Variants in EYS observed in about 807,000 individuals in gnomAD.
The protein encoded by EYS is EGF-like photoreceptor maintenance factor, also known as protein eyes shut homolog.
In EYS, 250 loss-of-function variants were observed where a neutral mutation model predicts 282.1. That is an observed-to-expected ratio of 0.89 (90% CI 0.80 to 0.98). The LOEUF (loss-of-function observed/expected upper bound fraction) is 0.98, where lower values mean the gene tolerates loss of function less well. Among genes scored for constraint, EYS ranks in the 50% least tolerant of loss-of-function variants. EYS has a pLI of 0.00. For missense variants in EYS, 4,016 were observed against 3,709.0 expected (o/e 1.08, Z -2.15); for synonymous variants, 1,355 against 1,282.9 (o/e 1.06, Z -1.20).
At chr6:64,021,226 C>A (rs908708554) in intron 33 of EYS, among the ~76,000 whole-genome samples, 32 of 151,312 alleles carry the variant, frequency 2.1e-4, no homozygotes, top group Admixed American at 1.9e-3. Flanking sequence ...CATTCTTTTT[C>A]TTTCCATCAC....
intron 31 of EYS, among the ~76,000 whole-genome samples, chr6:64,189,840 T>C (rs1380932029): frequency 6.6e-6 from 1 of 152,156 alleles, no homozygotes; most frequent in Non-Finnish European, 1.5e-5. Context: ...AATCGAATAA[T>C]TGCAGCAGAG....
Position 65,510,187 on chromosome 6 carries a change from A to G in EYS, c.-332-14194T>C, listed in dbSNP as rs1376102607. ...CCCTCCCCCCTCCCCCCACCCCACA[A>G]CAGTCCCCAGAGTGTGATGTTCCCC... On this transcript the variant is annotated intron_variant, in intron 2 of 42. Transcript: ENST00000503581. Among the ~76,000 whole-genome samples the G allele has an allele frequency of 1.4e-4, 13 of 91,750 alleles. No individual in the cohort carries two copies. In the Admixed American group the frequency reaches 1.5e-3, roughly 11 times the overall value. The allele number at this position is 91,750 out of a possible 152,430, so 60.2% of individuals were successfully genotyped here.
intron 12 of EYS, among the ~76,000 whole-genome samples, chr6:65,167,943 G>A (rs1248558178): frequency 6.6e-6 from 1 of 150,888 alleles, no homozygotes; most frequent in Non-Finnish European, 1.5e-5. Context: ...GCTTTGTTTC[G>A]ATTTTAGAAT....
At position 65,490,715 on chromosome 6, in the gene EYS, A is replaced by T; in HGVS notation, c.749-8T>A. ...TTTCTGAGCAATTCTTTCCTATAAC[A>T]ATGAAAAAAAGTTTTTTTTACATTG... On this transcript the variant is annotated splice_polypyrimidine_tract_variant and splice_region_variant and intron_variant, in intron 4 of 42. Transcript: ENST00000503581. 6.3e-7 allele frequency: 1 copy of T among 1,594,522 alleles called. No homozygotes were observed. Among genetic ancestry groups the T allele is most frequent in the Non-Finnish European group, 8.6e-7 (1 of 1,163,130 alleles).
chr6:64,318,024 G>A (rs944015909), intron 29 of EYS, among the ~76,000 whole-genome samples: 1 of 151,168 alleles, frequency 6.6e-6, no homozygotes, highest in Non-Finnish European at 1.5e-5. Flanking sequence ...ACCAGGGCTT[G>A]TCAGGGGGTG....
chr6:65,263,290 A>G (rs989670087), intron 12 of EYS, among the ~76,000 whole-genome samples: 2 of 152,014 alleles, frequency 1.3e-5, no homozygotes, highest in East Asian at 1.9e-4. Context: ...GCAGTGAGCT[A>G]TGATCGTGCC....
At chr6:65,378,714 A>T (rs2150347664) in intron 8 of EYS, among the ~76,000 whole-genome samples, 1 of 152,308 alleles carries the variant, frequency 6.6e-6, no homozygotes, top group East Asian at 1.9e-4. Flanking sequence ...ATAAAAAAGG[A>T]TGAGTTAATG....
At chr6:63,961,559 G>T (rs895836301) in intron 35 of EYS, among the ~76,000 whole-genome samples, 2 of 152,048 alleles carry the variant, frequency 1.3e-5, no homozygotes, top group South Asian at 4.2e-4. Flanking sequence ...CTGCACCCAC[G>T]TGAAATAAAC....
At chr6:65,385,779 T>G (rs1448540433) in intron 7 of EYS, among the ~76,000 whole-genome samples, 1 of 151,954 alleles carries the variant, frequency 6.6e-6, no homozygotes, top group East Asian at 1.9e-4. Context: ...ACTCCACAGA[T>G]AGTAAGATAT....
chr6:65,285,763 T>C (rs1471743263), intron 12 of EYS, among the ~76,000 whole-genome samples: 1 of 151,990 alleles, frequency 6.6e-6, no homozygotes, highest in Non-Finnish European at 1.5e-5. Flanking sequence ...TCATATCACA[T>C]TGAATTATAA....
chr6:64,015,494 A>G (rs920317039), intron 33 of EYS, among the ~76,000 whole-genome samples: 3 of 152,182 alleles, frequency 2.0e-5, no homozygotes, highest in South Asian at 4.1e-4. Flanking sequence ...ATAAGGTAAA[A>G]TAGCAAAAAA....
chr6:65,512,797 G>A (rs553564754), intron 2 of EYS, among the ~76,000 whole-genome samples: 6 of 152,154 alleles, frequency 3.9e-5, no homozygotes, highest in African/African-American at 1.2e-4. Context: ...GCAGTGTGTA[G>A]AGGGAAATTT....
At chr6:64,111,747 G>A (rs549597925) in intron 31 of EYS, among the ~76,000 whole-genome samples, 2 of 152,168 alleles carry the variant, frequency 1.3e-5, no homozygotes, top group African/African-American at 2.4e-5. Flanking sequence ...AAGCCTGGGT[G>A]ATGACATGGA....
At chr6:65,566,070 A>G (rs986695948) in intron 2 of EYS, among the ~76,000 whole-genome samples, 1 of 149,654 alleles carries the variant, frequency 6.7e-6, no homozygotes, top group Non-Finnish European at 1.5e-5. Flanking sequence ...TACATTCTGC[A>G]CATGTATCCC....
chr6:64,757,196 T>G (rs1176520025), intron 22 of EYS, among the ~76,000 whole-genome samples: 1 of 152,186 alleles, frequency 6.6e-6, no homozygotes, highest in Non-Finnish European at 1.5e-5. Flanking sequence ...GTTTTTTGTC[T>G]GTAAGAAATG....
intron 11 of EYS, among the ~76,000 whole-genome samples, chr6:65,297,758 ACTTCC>A (rs1768706790): frequency 1.3e-5 from 2 of 152,160 alleles, no homozygotes; most frequent in African/African-American, 4.8e-5. Flanking sequence ...GAATACAGTT[ACTTCC>A]CTTCAATACC....
At chr6:64,673,045 C>G (rs1769521054) in intron 22 of EYS, among the ~76,000 whole-genome samples, 1 of 152,118 alleles carries the variant, frequency 6.6e-6, no homozygotes, top group African/African-American at 2.4e-5. Context: ...CTGCTTAAAG[C>G]TATACTGAGG....
intron 2 of EYS, among the ~76,000 whole-genome samples, chr6:65,614,886 A>G (rs941075570): frequency 6.6e-6 from 1 of 150,462 alleles, no homozygotes; most frequent in Admixed American, 6.7e-5. Context: ...CAATAAAGTT[A>G]TAGACATAAA....
chr6:64,460,966 C>T (rs907042854), intron 26 of EYS, among the ~76,000 whole-genome samples: 2 of 152,038 alleles, frequency 1.3e-5, no homozygotes, highest in African/African-American at 2.4e-5. Flanking sequence ...TATAGGTATA[C>T]AGACAAAGAC....
Sources: gnomAD v4.1 joint callset for allele counts (sites outside exome capture counted in the v4.1 genomes callset) on GRCh38, gnomAD v4.1.1 for gene constraint, MANE v1.5 for transcripts, NCBI Gene and HGNC (gene_info 2026-07-23, HGNC 2026-07-21) for gene names.